Variants in BRSK2 observed in about 807,000 individuals in gnomAD.
BRSK2 encodes serine/threonine-protein kinase BRSK2.
BRSK2 carries 19 observed loss-of-function variants against 83.3 expected under a neutral mutation model. That is an observed-to-expected ratio of 0.23 (90% CI 0.16 to 0.33). The LOEUF (loss-of-function observed/expected upper bound fraction) is 0.33. Ranked by LOEUF, BRSK2 falls within the 10% of genes least tolerant of loss-of-function variation. The pLI, the probability that BRSK2 is intolerant of heterozygous loss-of-function variation, is 1.00. For synonymous variants in BRSK2, 519 were observed against 435.4 expected (o/e 1.19, Z -2.39); for missense variants, 798 against 1,042.3 (o/e 0.77, Z 3.23).
chr11:1,434,631 TGG>T (rs1850046716), intron 1 of BRSK2, among the ~76,000 whole-genome samples: 1 of 139,086 alleles, frequency 7.2e-6, no homozygotes, highest in African/African-American at 2.8e-5. Context: ...TCTGGGTGTC[TGG>T]GGGCACCCAG....
intron 1 of BRSK2, among the ~76,000 whole-genome samples, chr11:1,408,774 TG>T (rs1269510675): frequency 1.8e-4 from 14 of 75,938 alleles, no homozygotes; most frequent in Non-Finnish European, 4.8e-4. Context: ...GGTGTGTGTG[TG>T]TGTTTGGCTG....
At chr11:1,419,219 C>T (rs1423461824) in intron 1 of BRSK2, among the ~76,000 whole-genome samples, 13 of 133,432 alleles carry the variant, frequency 9.7e-5, no homozygotes, top group African/African-American at 3.8e-4. Flanking sequence ...TGGGCACTGG[C>T]GGGGTGGGGG....
intron 1 of BRSK2, among the ~76,000 whole-genome samples, chr11:1,422,001 C>A (rs1848677525): frequency 6.6e-6 from 1 of 152,086 alleles, no homozygotes; most frequent in Admixed American, 6.5e-5. Flanking sequence ...TGTCACTGGG[C>A]CTGCAGGGGG....
intron 1 of BRSK2, among the ~76,000 whole-genome samples, chr11:1,404,818 C>T (rs936071514): frequency 1.2e-4 from 19 of 152,202 alleles, no homozygotes; most frequent in African/African-American, 4.3e-4. Context: ...ACTGCTGCGA[C>T]GGCTCCTCTG....
intron 1 of BRSK2, among the ~76,000 whole-genome samples, chr11:1,415,865 C>T (rs1848048748): frequency 2.0e-5 from 3 of 152,284 alleles, no homozygotes; most frequent in African/African-American, 7.2e-5. Flanking sequence ...GGCCACTGTC[C>T]CCTGGGAGGG....
intron 1 of BRSK2, among the ~76,000 whole-genome samples, chr11:1,427,303 C>A (rs1849347640): frequency 6.6e-6 from 1 of 152,204 alleles, no homozygotes. Flanking sequence ...TCGCCCGGCC[C>A]AGGCAGGAGA....
chr11:1,459,466 A>T, intron 19 of BRSK2: 1 of 577,006 alleles, frequency 1.7e-6, no homozygotes. Context: ...CACCTCTGCC[A>T]GGCCCTAGGA....
At chr11:1,460,130 G>A (rs1462465955) in intron 19 of BRSK2, among the ~76,000 whole-genome samples, 2 of 147,466 alleles carry the variant, frequency 1.4e-5, no homozygotes, top group Non-Finnish European at 3.0e-5. Flanking sequence ...GCCAGGCCTT[G>A]GTGGGGAGGG....
rs148302156 is a variant in BRSK2 at position 1,451,659 on chromosome 11, C to T, written c.1544+240C>T. ...GAGAAGCTTCAGGCCTTGGGAGAGC[C>T]TAGGGTTGGCTGGAGGCGAGCAGGG... On this transcript the variant is annotated intron_variant, in intron 15 of 19. Transcript: ENST00000528841. Among the ~76,000 whole-genome samples, 26 of 152,274 alleles carry T rather than the reference C, an allele frequency of 1.7e-4. No individual in the cohort carries two copies. The East Asian group carries it at 4.8e-3, about 28-fold the overall frequency.
At chr11:1,394,796 G>A (rs1845961460) in intron 1 of BRSK2, among the ~76,000 whole-genome samples, 1 of 93,004 alleles carries the variant, frequency 1.1e-5, no homozygotes, top group African/African-American at 4.2e-5. Flanking sequence ...GGGTCCTGGA[G>A]ATGGGTCCTG....
At chr11:1,435,905 G>T in intron 1 of BRSK2, 135 bp from the exon 2 acceptor site, 1 of 617,036 alleles carries the variant, frequency 1.6e-6, no homozygotes, top group Non-Finnish European at 2.8e-6. Context: ...AGGCGGGCAG[G>T]GGCCTCCGGC....
At chr11:1,408,614 G>A (rs770319474) in intron 1 of BRSK2, among the ~76,000 whole-genome samples, 8 of 152,292 alleles carry the variant, frequency 5.3e-5, no homozygotes, top group Non-Finnish European at 7.4e-5. Context: ...GGAATTCATC[G>A]CAGACCCTCA....
chr11:1,449,376 G>T (rs529360365), intron 12 of BRSK2, among the ~76,000 whole-genome samples: 16 of 152,304 alleles, frequency 1.1e-4, no homozygotes, highest in Middle Eastern at 3.4e-3. Context: ...GCTCAGCCAG[G>T]GGGGGCTTGG....
chr11:1,433,246 C>G (rs930356132), intron 1 of BRSK2, among the ~76,000 whole-genome samples: 1 of 152,226 alleles, frequency 6.6e-6, no homozygotes, highest in Non-Finnish European at 1.5e-5. Flanking sequence ...TGCAGAGCCA[C>G]CAGGGCTTCG....
At position 1,440,532 on chromosome 11, in the gene BRSK2, C is replaced by T. The variant is rs541858392; in HGVS notation, c.273-256C>T. Reference sequence around the variant, plus strand: ...GGCTGTGCCCCCAGAACCATCCCTTCACCTGTCCCTCCACCCTCACCCCAC... The same window carrying T: ...GGCTGTGCCCCCAGAACCATCCCTTTACCTGTCCCTCCACCCTCACCCCAC... On this transcript the variant is annotated intron_variant, in intron 3 of 19. Coordinates refer to ENST00000528841, the MANE Select transcript of BRSK2 (RefSeq NM_001256627.2). Among the ~76,000 whole-genome samples, 6 of 152,246 alleles carry T rather than the reference C, an allele frequency of 3.9e-5. No individual in the cohort carries two copies. The South Asian group carries it at 1.0e-3, about 26-fold the overall frequency.
Position 1,454,379 on chromosome 11 carries a change from A to T in BRSK2, c.1545-106A>T. On this transcript the variant is annotated intron_variant, in intron 15 of 19. Transcript: ENST00000528841. The surrounding 1 kb of genome is among the most constrained non-coding windows in gnomAD (Gnocchi z 5.2). ...CACTGTGGAGACAGCCGTTTCTATCACGAAGCGATGGAAGATTCCGCCGTT... is the reference window on the plus strand; with the variant it reads ...CACTGTGGAGACAGCCGTTTCTATCTCGAAGCGATGGAAGATTCCGCCGTT... The T allele has an allele frequency of 7.3e-7, 1 of 1,361,632 alleles. No individual in the cohort carries two copies. Among genetic ancestry groups the T allele is most frequent in the Non-Finnish European group, 1.0e-6 (1 of 973,756 alleles). The allele number at this position is 1,361,632 out of a possible 1,614,324, so 84.3% of individuals were successfully genotyped here.
chr11:1,413,521 C>G (rs1361180650), intron 1 of BRSK2, among the ~76,000 whole-genome samples: 1 of 152,224 alleles, frequency 6.6e-6, no homozygotes, highest in African/African-American at 2.4e-5. Flanking sequence ...ACCTTCTGCC[C>G]TGGGAGCCCT....
intron 12 of BRSK2, chr11:1,447,796 A>G (rs1386987786): frequency 6.3e-7 from 1 of 1,596,752 alleles, no homozygotes; most frequent in East Asian, 2.2e-5. Context: ...GTTCTGCTGT[A>G]GTAAAGCAAT....
Position 1,457,042 on chromosome 11 carries a change from G to A in BRSK2, c.1939+355G>A, listed in dbSNP as rs757248631. The A allele has an allele frequency of 3.1e-5, 49 of 1,588,076 alleles. No individual in the cohort carries two copies. The South Asian group carries it at 3.5e-4, about 11-fold the overall frequency. ...ACCAGCTACGAGAGTAGCCTCTGAC[G>A]CTGGCAGGTAAGGCGCCCGGCCTGT... On this transcript the variant is annotated intron_variant, in intron 18 of 19. Coordinates refer to ENST00000528841, the MANE Select transcript of BRSK2 (RefSeq NM_001256627.2).
Sources: allele counts gnomAD v4.1 joint callset (sites outside exome capture counted in the v4.1 genomes callset), GRCh38; gene constraint gnomAD v4.1.1; non-coding constraint Gnocchi (gnomAD v3.1); transcripts MANE v1.5; gene names NCBI Gene and HGNC (gene_info 2026-07-23, HGNC 2026-07-21).